The following ANKS1A variants were observed in gnomAD, a reference collection of about 807,000 sequenced individuals.
ANKS1A encodes ankyrin repeat and SAM domain-containing protein 1A.
ANKS1A carries 55 observed loss-of-function variants against 120.3 expected under a neutral mutation model. The observed-to-expected ratio is 0.46, with a 90% confidence interval of 0.37 to 0.57. The LOEUF is 0.57. ANKS1A is among the 20% of genes least tolerant of loss of function. The pLI is 0.00. For missense variants in ANKS1A, 1,123 were observed against 1,480.3 expected (o/e 0.76, Z 3.96); for synonymous variants, 590 against 604.7 (o/e 0.98, Z 0.36).
intron 3 of ANKS1A, among the ~76,000 whole-genome samples, chr6:34,973,896 T>TC (rs1170963711): frequency 7.3e-4 from 36 of 49,526 alleles, no homozygotes; most frequent in African/African-American, 3.0e-3. Flanking sequence ...CACTTCCCCT[T>TC]CCCTTCCCCT....
At chr6:35,000,098 T>C (rs1773080793) in intron 10 of ANKS1A, among the ~76,000 whole-genome samples, 1 of 152,226 alleles carries the variant, frequency 6.6e-6, no homozygotes, top group African/African-American at 2.4e-5. Context: ...CGTAACCCTG[T>C]AACACTCTAA....
At chr6:35,097,913 G>T in the ANKS1A span, among the ~76,000 whole-genome samples, 1 of 152,208 alleles carries the variant, frequency 6.6e-6, no homozygotes, top group African/African-American at 2.4e-5. Context: ...TTGTTCCACA[G>T]CTTTCACTGG....
chr6:34,889,525 G>A lies in ANKS1A; in HGVS notation c.123G>A (p.Gly41=). The A allele has an allele frequency of 7.9e-7, 1 of 1,272,106 alleles. No homozygotes were observed. The allele number at this position is 1,272,106 out of a possible 1,614,324, so 78.8% of individuals were successfully genotyped here. The change falls in exon 1 of 24, where the codon GGG becomes GGA. Residue 41 remains glycine, a synonymous_variant. Transcript: ENST00000360359. This position sits in a 1 kb window ranked among gnomAD's most constrained non-coding sequence, Gnocchi z 5.5. ...GFGGGGGGGS[G]GGGGGSGGGG... ...GGGGCGGCGGCGGCGGTGGCTCTGG[G>A]GGCGGCGGCGGCGGCAGCGGCGGCG...
chr6:34,890,626 C>T lies in ANKS1A; in HGVS notation c.197+1027C>T, dbSNP rs999721744. 1.3e-5 allele frequency among the ~76,000 whole-genome samples: 2 copies of T among 152,130 alleles called. 1 individual carries two copies. The highest frequency in any genetic ancestry group is 4.1e-4 in the South Asian group (2 of 4,828). On this transcript the variant is annotated intron_variant, in intron 1 of 23. Coordinates refer to ENST00000360359, the MANE Select transcript of ANKS1A (RefSeq NM_015245.3). The stretch of plus-strand genomic sequence containing the variant: ...AACTTTTCCAAGGTCTGTTGTTAAA[C>T]GCTTCAATCTGGAGCTGTAAGGACC...
At chr6:35,038,454 T>G (rs1427284929) in intron 11 of ANKS1A, among the ~76,000 whole-genome samples, 1 of 152,124 alleles carries the variant, frequency 6.6e-6, no homozygotes, top group East Asian at 1.9e-4. Flanking sequence ...CCACCTTTAT[T>G]CTGATTATGT....
In ANKS1A at chr6:35,086,960, A is replaced by G; in HGVS notation, c.3312A>G (p.Pro1104=). 6.2e-7 allele frequency: 1 copy of G among 1,614,124 alleles called. No individual in the cohort carries two copies. The highest frequency in any genetic ancestry group is 8.5e-7 in the Non-Finnish European group (1 of 1,179,990). ...GCTTCCTTGTTTGGCAGCTGGAACC[A>G]CCTGATATGGACCAAGATGCCCAAT... is the stretch of plus-strand genomic sequence containing the variant. ...RVGVRKSALE[P]PDMDQDAQSH... is the part of the protein sequence containing the mutation. The change falls in exon 23 of 24, where the codon CCA becomes CCG. Residue 1104 remains proline, a synonymous_variant. Coordinates refer to ENST00000360359, the MANE Select transcript of ANKS1A (RefSeq NM_015245.3). This position sits in a 1 kb window ranked among gnomAD's most constrained non-coding sequence, Gnocchi z 5.1.
At chr6:34,934,620 C>T (rs1344821578) in intron 1 of ANKS1A, among the ~76,000 whole-genome samples, 4 of 152,246 alleles carry the variant, frequency 2.6e-5, no homozygotes, top group Admixed American at 2.0e-4. Flanking sequence ...GTCATGCTTA[C>T]ATCCGTTTCC....
chr6:34,988,325 G>A (rs1258117920), intron 8 of ANKS1A, among the ~76,000 whole-genome samples: 2 of 152,182 alleles, frequency 1.3e-5, no homozygotes, highest in African/African-American at 2.4e-5. Flanking sequence ...GGCTGGGCAC[G>A]GTGGCTTACG....
At chr6:35,093,641 G>A (rs187508418), downstream of ANKS1A, among the ~76,000 whole-genome samples, 39 of 152,156 alleles carry the variant, frequency 2.6e-4, no homozygotes, top group African/African-American at 8.2e-4. Flanking sequence ...CCTATGTCTC[G>A]GAAGATCAGT....
At position 35,090,836 on chromosome 6, in the gene ANKS1A, T is replaced by G. The variant is rs1581774154; in HGVS notation, c.*2227T>G. ...AGACTTCAGATGGGCTCAGTACCTG[T>G]CCCAGCCACAGGCTTCTTGTCCACC... On this transcript the variant is annotated 3_prime_UTR_variant, in exon 24 of 24. Coordinates refer to ENST00000360359, the MANE Select transcript of ANKS1A (RefSeq NM_015245.3). 1 of 985,760 alleles carries G rather than the reference T, an allele frequency of 1.0e-6. No homozygotes were observed. Among genetic ancestry groups the G allele is most frequent in the Non-Finnish European group, 1.2e-6 (1 of 830,204 alleles). 61.1% of individuals were successfully genotyped at this position (985,760 alleles called of 1,614,324 possible).
intron 1 of ANKS1A, among the ~76,000 whole-genome samples, chr6:34,952,798 C>T (rs1439052815): frequency 3.3e-5 from 5 of 152,076 alleles, no homozygotes; most frequent in Middle Eastern, 3.4e-3. Flanking sequence ...TAACCTCCAC[C>T]TCCCGGGTTC....
chr6:34,927,509 C>T (rs943812740), intron 1 of ANKS1A, among the ~76,000 whole-genome samples: 2 of 151,792 alleles, frequency 1.3e-5, no homozygotes, highest in South Asian at 4.2e-4. Context: ...GTGAAATGAC[C>T]AAAGGAACTT....
intron 11 of ANKS1A, among the ~76,000 whole-genome samples, chr6:35,021,971 G>A (rs917995344): frequency 6.7e-6 from 1 of 149,658 alleles, no homozygotes; most frequent in African/African-American, 2.5e-5. Context: ...GAGCGACACA[G>A]TGAGACTCTG....
At chr6:35,006,322 A>T (rs978174544) in intron 10 of ANKS1A, among the ~76,000 whole-genome samples, 1 of 152,040 alleles carries the variant, frequency 6.6e-6, no homozygotes, top group Non-Finnish European at 1.5e-5. Context: ...CTCAAAAAAA[A>T]AAAAAGAATA....
chr6:34,985,369 T>C, intron 8 of ANKS1A, 91 bp downstream of exon 8: 1 of 1,313,202 alleles, frequency 7.6e-7, no homozygotes, highest in Non-Finnish European at 1.0e-6. Context: ...GTGTGATCCC[T>C]GGTGCCAGCT....
rs975327797 is a variant in ANKS1A, at chr6:34,896,075, CT to C, written c.197+6486del. ...ACCGTGCCTGGCCTTTTTTTTTTTT[CT>C]TTTTTTTTTCAGAGACAGTGTCTCA... is the stretch of plus-strand genomic sequence containing the variant. On this transcript the variant is annotated intron_variant, in intron 1 of 23. Transcript: ENST00000360359. Among the ~76,000 whole-genome samples, 872 of 131,870 alleles carry C rather than the reference CT, an allele frequency of 6.6e-3. 7 individuals are homozygous for C. Among genetic ancestry groups the C allele is most frequent in the Middle Eastern group, 0.023 (6 of 266 alleles). 86.5% of individuals were successfully genotyped at this position (131,870 alleles called of 152,430 possible).
At chr6:34,971,302 G>A (rs776301977) in intron 3 of ANKS1A, among the ~76,000 whole-genome samples, 2 of 152,112 alleles carry the variant, frequency 1.3e-5, no homozygotes, top group Admixed American at 6.5e-5. Flanking sequence ...AAAAATAACC[G>A]TATAATGGCC....
At chr6:35,008,010 C>A (rs925030504) in intron 10 of ANKS1A, among the ~76,000 whole-genome samples, 1 of 152,152 alleles carries the variant, frequency 6.6e-6, no homozygotes, top group Non-Finnish European at 1.5e-5. Context: ...CGTCTGTAGT[C>A]CCACTTTTAC....
chr6:34,953,955 G>A (rs973446950), intron 1 of ANKS1A, among the ~76,000 whole-genome samples: 1 of 152,102 alleles, frequency 6.6e-6, no homozygotes, highest in Non-Finnish European at 1.5e-5. Flanking sequence ...AATGCTCAAG[G>A]GTTAAGAAGC....
Sources: allele counts gnomAD v4.1 joint callset (sites outside exome capture counted in the v4.1 genomes callset), GRCh38; gene constraint gnomAD v4.1.1; non-coding constraint Gnocchi (gnomAD v3.1); transcripts MANE v1.5; gene names NCBI Gene and HGNC (gene_info 2026-07-23, HGNC 2026-07-21).